IL1RAPL2: variants seen among roughly 807,000 people sequenced by gnomAD.
The protein encoded by IL1RAPL2 is X-linked interleukin-1 receptor accessory protein-like 2.
IL1RAPL2 carries 3 observed loss-of-function variants against 44.1 expected under a neutral mutation model. The observed-to-expected ratio is 0.07, with a 90% CI of 0.03 to 0.18. The LOEUF is 0.18. Among genes scored for constraint, IL1RAPL2 ranks in the 10% least tolerant of loss-of-function variants. IL1RAPL2 has a pLI of 1.00. For synonymous variants in IL1RAPL2, 181 were observed against 178.8 expected, an observed-to-expected ratio of 1.01 and a Z score of -0.10; for missense variants, 391 against 496.4, an observed-to-expected ratio of 0.79 and a Z score of 2.02.
At chrX:105,289,008 T>G (rs896460285) in intron 5 of IL1RAPL2, among the ~76,000 whole-genome samples, 2 of 111,475 alleles carry the variant, frequency 1.8e-5, no homozygotes, top group African/African-American at 6.5e-5. Context: ...TGGGCCTTGA[T>G]TTACAGGCAG....
chrX:104,767,825 G>A (rs1932581359), intron 2 of IL1RAPL2, among the ~76,000 whole-genome samples: 1 of 111,326 alleles, frequency 9.0e-6, no homozygotes, highest in African/African-American at 3.3e-5. Flanking sequence ...TGGCAAGAAG[G>A]TAAAATATAA....
chrX:105,230,345 T>G (rs1027709188), intron 3 of IL1RAPL2, among the ~76,000 whole-genome samples: 7 of 110,801 alleles, frequency 6.3e-5, no homozygotes, highest in African/African-American at 2.3e-4. Context: ...GTAGCACTTC[T>G]AACCCAGCAG....
intron 5 of IL1RAPL2, among the ~76,000 whole-genome samples, chrX:105,467,979 G>A (rs1040319344): frequency 2.7e-4 from 30 of 111,783 alleles, no homozygotes; most frequent in African/African-American, 9.7e-4. Context: ...ATTTCAACTA[G>A]CCTTCTAGGT....
rs10536420 is a variant in IL1RAPL2 at position 105,086,704 on chromosome X, A to ATG, written c.83-108747_83-108746dup. Reference sequence around the variant, plus strand: ...TTTAATCATTCTACATTGTATATATATGTGTGTGTGTGTGTGTGTGTGTGT... The same window carrying ATG: ...TTTAATCATTCTACATTGTATATATATGTGTGTGTGTGTGTGTGTGTGTGTGT... On this transcript the variant is annotated intron_variant, in intron 2 of 10. Coordinates refer to ENST00000372582, the MANE Select transcript of IL1RAPL2 (RefSeq NM_017416.2). Among the ~76,000 whole-genome samples, 650 of 104,312 alleles carry ATG rather than the reference A, an allele frequency of 6.2e-3. 2 individuals carry two copies. The highest frequency in any genetic ancestry group is 0.016 in the African/African-American group (450 of 28,665). 90.6% of individuals were successfully genotyped at this position (104,312 alleles called of 115,157 possible). A position where few individuals can be genotyped will look rare whatever the true frequency, so the allele number is the denominator to read the frequency against.
intron 2 of IL1RAPL2, among the ~76,000 whole-genome samples, chrX:104,796,628 C>G (rs773291066): frequency 1.2e-4 from 13 of 112,356 alleles, no homozygotes; most frequent in Non-Finnish European, 2.3e-4. Flanking sequence ...TTGGTGACTC[C>G]TTTGCCAGTC....
At chrX:105,162,241 A>G (rs192376048) in intron 2 of IL1RAPL2, among the ~76,000 whole-genome samples, 120 of 112,183 alleles carry the variant, frequency 1.1e-3, no homozygotes, top group African/African-American at 3.7e-3. Context: ...CTCTCTGTCT[A>G]CCATCCATGA....
intron 10 of IL1RAPL2, among the ~76,000 whole-genome samples, chrX:105,760,917 G>A (rs1445928249): frequency 2.7e-5 from 3 of 111,249 alleles, no homozygotes; most frequent in East Asian, 2.9e-4. Context: ...GGTGGCTCAC[G>A]CCTGTAATCC....
chrX:105,356,126 T>A (rs2147707982), intron 5 of IL1RAPL2, among the ~76,000 whole-genome samples: 1 of 108,308 alleles, frequency 9.2e-6, no homozygotes, highest in East Asian at 2.9e-4. Flanking sequence ...TTGTGATGCC[T>A]TGACTGCTGT....
chrX:105,422,601 T>G (rs111576361), intron 5 of IL1RAPL2, among the ~76,000 whole-genome samples: 7,356 of 111,801 alleles, frequency 0.066, 573 homozygotes, highest in African/African-American at 0.23. Flanking sequence ...TATTCTAAAT[T>G]TTGTTCATAG....
chrX:105,410,939 A>T (rs73527132), intron 5 of IL1RAPL2, among the ~76,000 whole-genome samples: 21,660 of 111,458 alleles, frequency 0.19, 5,063 homozygotes, highest in African/African-American at 0.67. Flanking sequence ...TTTAAAGTTA[A>T]AAGTGTCAAA....
At chrX:105,256,525 C>T (rs1226504007) in intron 4 of IL1RAPL2, among the ~76,000 whole-genome samples, 1 of 110,231 alleles carries the variant, frequency 9.1e-6, no homozygotes, top group Non-Finnish European at 1.9e-5. Flanking sequence ...GATGGGGCTT[C>T]ACCATGTTGC....
intron 1 of IL1RAPL2, among the ~76,000 whole-genome samples, chrX:104,573,445 A>G (rs890918131): frequency 8.9e-6 from 1 of 112,185 alleles, no homozygotes; most frequent in Non-Finnish European, 1.9e-5. Context: ...GGACAGCACT[A>G]TTATACAACA....
chrX:105,583,349 T>C (rs1286205693), intron 6 of IL1RAPL2, among the ~76,000 whole-genome samples: 1 of 110,757 alleles, frequency 9.0e-6, no homozygotes, highest in African/African-American at 3.3e-5. Flanking sequence ...TTAGCCAGGA[T>C]GGTCTCGATC....
In IL1RAPL2 at chrX:104,604,437, A is replaced by T. The variant is rs747586184; in HGVS notation, c.-20+37386A>T. On this transcript the variant is annotated intron_variant, in intron 1 of 10. Coordinates refer to ENST00000372582, the MANE Select transcript of IL1RAPL2 (RefSeq NM_017416.2). ...AACCAGCTAGTATCATAATTACAGG[A>T]TCAAATTCACACATAACCATATTTA... Among the ~76,000 whole-genome samples, 5 of 110,702 alleles carry T rather than the reference A, an allele frequency of 4.5e-5. No homozygotes were observed. The South Asian group carries it at 1.5e-3, about 34-fold the overall frequency.
At chrX:105,547,309 A>G (rs1423898242) in intron 6 of IL1RAPL2, among the ~76,000 whole-genome samples, 1 of 112,354 alleles carries the variant, frequency 8.9e-6, no homozygotes, top group Non-Finnish European at 1.9e-5. Context: ...AGCCATTTCA[A>G]ATGTCATTTG....
intron 2 of IL1RAPL2, among the ~76,000 whole-genome samples, chrX:104,894,278 C>T (rs1044962651): frequency 1.7e-4 from 19 of 111,166 alleles, no homozygotes; most frequent in Non-Finnish European, 9.4e-5. Flanking sequence ...TTGCTCTTCT[C>T]GAGGAGCATC....
rs185737978 is a variant in IL1RAPL2, at chrX:105,120,755, C to T, written c.83-74720C>T. Among the ~76,000 whole-genome samples the T allele has an allele frequency of 3.3e-3, 373 of 112,000 alleles. 2 individuals carry two copies. The highest frequency in any genetic ancestry group is 0.012 in the African/African-American group (361 of 30,873). ...TAAATTATTTTCCAGTGATGCATAC[C>T]GTGTCTATGCAGAATTGAGTGTGAC... On this transcript the variant is annotated intron_variant, in intron 2 of 10. Transcript: ENST00000372582.
chrX:105,136,280 C>T (rs1178452227), intron 2 of IL1RAPL2, among the ~76,000 whole-genome samples: 1 of 111,941 alleles, frequency 8.9e-6, no homozygotes, highest in Non-Finnish European at 1.9e-5. Context: ...CTGCATCCAA[C>T]TGCTATTATA....
chrX:105,607,101 G>A (rs1418577907), intron 6 of IL1RAPL2, among the ~76,000 whole-genome samples: 1 of 111,327 alleles, frequency 9.0e-6, no homozygotes, highest in Non-Finnish European at 1.9e-5. Flanking sequence ...TAATTATCCT[G>A]ATTTGATCAT....
Sources: gnomAD v4.1 joint callset for allele counts (sites outside exome capture counted in the v4.1 genomes callset) on GRCh38, gnomAD v4.1.1 for gene constraint, MANE v1.5 for transcripts, NCBI Gene and HGNC (gene_info 2026-07-23, HGNC 2026-07-21) for gene names.